Variants in NLRP13 observed in about 807,000 individuals in gnomAD.
NLRP13 encodes NLR family pyrin domain containing 13.
Under a neutral mutation model 94.4 loss-of-function variants are expected in NLRP13, and 82 were observed. That is an observed-to-expected ratio of 0.87 (90% CI 0.73 to 1.04). NLRP13 has a LOEUF of 1.04. NLRP13 is among the 50% of genes least tolerant of loss of function. NLRP13 has a pLI of 0.00. For missense variants in NLRP13, 1,426 were observed against 1,230.8 expected (o/e 1.16, Z -2.37); for synonymous variants, 553 against 464.7 (o/e 1.19, Z -2.45).
downstream of NLRP13, chr19:55,891,952 C>CT: frequency 2.2e-6 from 1 of 450,822 alleles, no homozygotes. Flanking sequence ...GTCCTGGTGG[C>CT]TTTCCCCCAA....
At chr19:55,901,997 C>T (rs771534986) in intron 9 of NLRP13, 38 bp downstream of exon 9, 2 of 1,607,524 alleles carry the variant, frequency 1.2e-6, no homozygotes, top group East Asian at 2.2e-5. Flanking sequence ...CATGGCTCTC[C>T]TCCATCTGCC....
At chr19:55,895,637 G>A (rs1310527776), downstream of NLRP13, among the ~76,000 whole-genome samples, 1 of 150,332 alleles carries the variant, frequency 6.7e-6, no homozygotes. Context: ...GAATCAAGAT[G>A]ACACAACTGC....
chr19:55,918,912 A>G (rs1986741914), intron 4 of NLRP13, among the ~76,000 whole-genome samples: 1 of 151,992 alleles, frequency 6.6e-6, no homozygotes, highest in African/African-American at 2.4e-5. Flanking sequence ...AAGCTCAACA[A>G]GGACACAAAA....
chr19:55,924,727 C>A, intron 2 of NLRP13, 69 bp from the exon 3 acceptor site: 1 of 1,397,700 alleles, frequency 7.2e-7, no homozygotes, highest in Non-Finnish European at 1.0e-6. Flanking sequence ...ATAATGGAAG[C>A]CCCCAGTAGA....
At chr19:55,916,286 T>C (rs1986672172) in intron 4 of NLRP13, among the ~76,000 whole-genome samples, 1 of 152,198 alleles carries the variant, frequency 6.6e-6, no homozygotes, top group Non-Finnish European at 1.5e-5. Flanking sequence ...AAGAAACTAA[T>C]GCACAATTCT....
intron 1 of NLRP13, among the ~76,000 whole-genome samples, chr19:55,928,294 G>A (rs544537982): frequency 5.9e-5 from 9 of 152,292 alleles, no homozygotes; most frequent in African/African-American, 2.2e-4. Context: ...AATGCTTGAC[G>A]GGAGGGACAC....
rs745824320 is a variant in NLRP13, at chr19:55,913,236, T to C, written c.581A>G (p.Asn194Ser). The C allele has an allele frequency of 5.0e-6, 8 of 1,614,170 alleles. No individual in the cohort carries two copies. Among genetic ancestry groups the C allele is most frequent in the Non-Finnish European group, 5.9e-6 (7 of 1,180,012 alleles). ...MKAELLETWD[N>S]ISWPKDHVYI... ...TACGTGGTCTTTAGGCCAACTGATG[T>C]TGTCCCATGTCTCCAGTAGTTCAGC... The change falls in exon 5 of 11, where the codon AAC becomes AGC. Residue 194 changes from asparagine to serine, a missense_variant. Asn to Ser is a conservative substitution (Grantham distance 46). Transcript: ENST00000342929.
At chr19:55,917,386 C>T (rs1413049317) in intron 4 of NLRP13, among the ~76,000 whole-genome samples, 1 of 151,880 alleles carries the variant, frequency 6.6e-6, no homozygotes, top group Non-Finnish European at 1.5e-5. Flanking sequence ...ATCTGCAAAG[C>T]AAATGGAAAT....
intron 4 of NLRP13, among the ~76,000 whole-genome samples, chr19:55,922,494 A>G (rs1462492889): frequency 1.3e-5 from 2 of 151,962 alleles, no homozygotes; most frequent in Non-Finnish European, 2.9e-5. Flanking sequence ...TGCCCGGCTA[A>G]TTTTTGTATT....
intron 4 of NLRP13, among the ~76,000 whole-genome samples, chr19:55,916,073 A>G (rs1454622197): frequency 1.3e-5 from 2 of 152,182 alleles, no homozygotes; most frequent in Non-Finnish European, 2.9e-5. Flanking sequence ...CACCTAGTAA[A>G]CCACTACTAA....
At chr19:55,919,397 A>C (rs938757737) in intron 4 of NLRP13, among the ~76,000 whole-genome samples, 2 of 152,148 alleles carry the variant, frequency 1.3e-5, no homozygotes, top group African/African-American at 2.4e-5. Context: ...GAAAGAAATA[A>C]AAAGGTATCT....
chr19:55,901,365 C>T (rs1251427766), intron 9 of NLRP13, among the ~76,000 whole-genome samples: 2 of 152,070 alleles, frequency 1.3e-5, no homozygotes, highest in Non-Finnish European at 2.9e-5. Context: ...ATTGGCTAAA[C>T]GTTTGAACTT....
Position 55,918,731 on chromosome 19 carries a change from A to G in NLRP13, c.523+5183T>C, listed in dbSNP as rs181270843. On this transcript the variant is annotated intron_variant, in intron 4 of 10. Transcript: ENST00000342929. Reference sequence around the variant, plus strand: ...AGGAGTGAGTGAATCAGTAATTTAAAAAATTAATAACAAAAAAATCCCAGT... The same window carrying G: ...AGGAGTGAGTGAATCAGTAATTTAAGAAATTAATAACAAAAAAATCCCAGT... Among the ~76,000 whole-genome samples, 14 of 152,238 alleles carry G rather than the reference A, an allele frequency of 9.2e-5. No individual in the cohort carries two copies. In the East Asian group the frequency reaches 2.7e-3, roughly 29 times the overall value.
chr19:55,915,579 CG>C (rs1255515295), intron 4 of NLRP13, among the ~76,000 whole-genome samples: 1 of 152,118 alleles, frequency 6.6e-6, no homozygotes, highest in East Asian at 1.9e-4. Flanking sequence ...GCCTGGGCAA[CG>C]GGGCAAGACT....
chr19:55,921,981 T>A (rs189998802), intron 4 of NLRP13, among the ~76,000 whole-genome samples: 183 of 152,172 alleles, frequency 1.2e-3, no homozygotes, highest in Non-Finnish European at 2.2e-3. Context: ...TAAAGAAAAA[T>A]AAGTTTGATG....
chr19:55,898,771 C>T lies in NLRP13; in HGVS notation c.2956G>A (p.Gly986Arg). The stretch of plus-strand genomic sequence containing the variant: ...GCAAGGAGAACAGCATCAACTCACC[C>T]AAGTGTGTGCAATGCACGATGTGGT... ...LKPHRALHTL[G>R]LAKCNLTTAC... The change falls in exon 10 of 11, where the codon GGG becomes AGG. Residue 986 changes from glycine (G) to arginine (R), a missense_variant and splice_region_variant. Gly to Arg is a moderately radical substitution (Grantham distance 125). Transcript: ENST00000342929. 5 of 1,602,884 alleles carry T rather than the reference C, an allele frequency of 3.1e-6. No homozygotes were observed. Among genetic ancestry groups the T allele is most frequent in the Non-Finnish European group, 4.3e-6 (5 of 1,175,198 alleles).
intron 1 of NLRP13, among the ~76,000 whole-genome samples, chr19:55,929,628 G>A (rs1010077756): frequency 4.6e-5 from 7 of 152,120 alleles, no homozygotes; most frequent in African/African-American, 1.7e-4. Flanking sequence ...CTGTCAGTGG[G>A]TGGGGGGCTA....
chr19:55,900,500 G>A (rs549638887), intron 9 of NLRP13, among the ~76,000 whole-genome samples: 25 of 152,060 alleles, frequency 1.6e-4, no homozygotes, highest in East Asian at 7.8e-4. Flanking sequence ...GGCCAGGCGC[G>A]GTGGCTCACG....
intron 4 of NLRP13, among the ~76,000 whole-genome samples, chr19:55,913,774 G>A (rs1049513100): frequency 2.6e-5 from 4 of 151,976 alleles, no homozygotes; most frequent in Middle Eastern, 3.4e-3. Context: ...CAGGCGGGGG[G>A]AAGGCCAAGG....
Sources: allele counts gnomAD v4.1 joint callset (sites outside exome capture counted in the v4.1 genomes callset), GRCh38; gene constraint gnomAD v4.1.1; transcripts MANE v1.5; gene names NCBI Gene and HGNC (gene_info 2026-07-23, HGNC 2026-07-21).